The following GMDS variants were observed in gnomAD, a reference collection of about 807,000 sequenced individuals.
The protein encoded by GMDS is GDP-mannose 4,6-dehydratase.
Under a neutral mutation model 49.9 loss-of-function variants are expected in GMDS, and 20 were observed. That is an observed-to-expected ratio of 0.40 (90% CI 0.28 to 0.58). The LOEUF (loss-of-function observed/expected upper bound fraction) is 0.58, where lower values mean the gene tolerates loss of function less well. Ranked by LOEUF, GMDS falls within the 20% of genes least tolerant of loss-of-function variation. The pLI is 0.42. For missense variants in GMDS, 362 were observed against 481.4 expected, an observed-to-expected ratio of 0.75 and a Z score of 2.32; for synonymous variants, 177 against 178.6, an observed-to-expected ratio of 0.99 and a Z score of 0.07.
intron 7 of GMDS, among the ~76,000 whole-genome samples, chr6:1,764,832 T>C (rs1768287643): frequency 6.6e-6 from 1 of 152,250 alleles, no homozygotes; most frequent in Non-Finnish European, 1.5e-5. Flanking sequence ...TATATTTAAG[T>C]TCTGAAAGAA....
chr6:1,949,019 C>A lies in GMDS; in HGVS notation c.643+10848G>T. ...TGTCCTCTTATGCCAGTAGCCACAGCAATCCCACTAACAGAGCTGCCTCCA... is the reference window on the plus strand; with the variant it reads ...TGTCCTCTTATGCCAGTAGCCACAGAAATCCCACTAACAGAGCTGCCTCCA... On this transcript the variant is annotated intron_variant, in intron 6 of 10. Coordinates refer to ENST00000380815, the MANE Select transcript of GMDS (RefSeq NM_001500.4). The A allele has an allele frequency of 4.3e-6, 4 of 937,424 alleles. No individual in the cohort carries two copies. The South Asian group carries it at 1.5e-4, about 35-fold the overall frequency. 58.1% of individuals were successfully genotyped at this position (937,424 alleles called of 1,614,324 possible).
At chr6:2,087,969 A>T (rs1439490487) in intron 4 of GMDS, among the ~76,000 whole-genome samples, 1 of 152,158 alleles carries the variant, frequency 6.6e-6, no homozygotes, top group Non-Finnish European at 1.5e-5. Flanking sequence ...TCCTAACCTA[A>T]AAGGGCTGAA....
At chr6:2,188,707 T>C (rs891948471) in intron 1 of GMDS, among the ~76,000 whole-genome samples, 3 of 152,162 alleles carry the variant, frequency 2.0e-5, no homozygotes, top group Non-Finnish European at 4.4e-5. Flanking sequence ...ACTGACTGAT[T>C]ATAACATACA....
At chr6:1,671,226 GTC>G (rs1347170094) in intron 9 of GMDS, among the ~76,000 whole-genome samples, 1 of 152,228 alleles carries the variant, frequency 6.6e-6, no homozygotes, top group Non-Finnish European at 1.5e-5. Flanking sequence ...GCCCTTCAGA[GTC>G]TGGTGGCGGC....
intron 9 of GMDS, among the ~76,000 whole-genome samples, chr6:1,643,654 G>T (rs56190930): frequency 6.6e-6 from 1 of 151,906 alleles, no homozygotes; most frequent in Non-Finnish European, 1.5e-5. Context: ...GCCACGGTGG[G>T]GGGGACACTG....
chr6:1,759,917 C>G (rs1279499535), intron 7 of GMDS, among the ~76,000 whole-genome samples: 1 of 151,596 alleles, frequency 6.6e-6, no homozygotes, highest in Non-Finnish European at 1.5e-5. Flanking sequence ...CCCCCCAACA[C>G]CCTTCGGTTT....
At chr6:2,012,759 C>T (rs1002674074) in intron 4 of GMDS, among the ~76,000 whole-genome samples, 1 of 152,054 alleles carries the variant, frequency 6.6e-6, no homozygotes, top group Non-Finnish European at 1.5e-5. Context: ...TATGCACTAG[C>T]TTGGGAGTTA....
At chr6:1,998,888 CAAAA>C (rs1266723406) in intron 4 of GMDS, among the ~76,000 whole-genome samples, 1 of 147,208 alleles carries the variant, frequency 6.8e-6, no homozygotes, top group Non-Finnish European at 1.5e-5. Context: ...TTTTTTAAAA[CAAAA>C]AGACTCAGAA....
intron 1 of GMDS, among the ~76,000 whole-genome samples, chr6:2,148,459 C>T (rs990873592): frequency 6.6e-6 from 1 of 152,130 alleles, no homozygotes; most frequent in African/African-American, 2.4e-5. Flanking sequence ...TACCTCTTGT[C>T]GCCCAGGCTG....
intron 6 of GMDS, among the ~76,000 whole-genome samples, chr6:1,956,073 G>A (rs1763620182): frequency 6.6e-6 from 1 of 152,196 alleles, no homozygotes; most frequent in African/African-American, 2.4e-5. Flanking sequence ...CTTAAGGACT[G>A]GCTCACTATG....
At chr6:1,690,983 A>G (rs1765149222) in intron 9 of GMDS, among the ~76,000 whole-genome samples, 1 of 152,240 alleles carries the variant, frequency 6.6e-6, no homozygotes, top group Non-Finnish European at 1.5e-5. Flanking sequence ...AAGAAATAGC[A>G]TTTGACCCAG....
At chr6:1,860,204 T>C (rs980919460) in intron 7 of GMDS, among the ~76,000 whole-genome samples, 1 of 152,212 alleles carries the variant, frequency 6.6e-6, no homozygotes, top group South Asian at 2.1e-4. Flanking sequence ...TGATATGTAA[T>C]AAAAATCTTA....
chr6:1,909,759 A>G (rs1449590693), intron 7 of GMDS, among the ~76,000 whole-genome samples: 1 of 152,198 alleles, frequency 6.6e-6, no homozygotes, highest in Non-Finnish European at 1.5e-5. Flanking sequence ...GTCAGTAGGC[A>G]CAAGGCGAGG....
chr6:1,716,777 C>A (rs1160006850), intron 9 of GMDS, among the ~76,000 whole-genome samples: 6 of 152,210 alleles, frequency 3.9e-5, no homozygotes, highest in African/African-American at 1.4e-4. Flanking sequence ...TTTCCCAGTT[C>A]TTACACCCCG....
intron 9 of GMDS, among the ~76,000 whole-genome samples, chr6:1,720,436 A>T (rs1766339763): frequency 1.3e-5 from 2 of 152,218 alleles, no homozygotes. Flanking sequence ...AAGGATATAA[A>T]GATTAGTATG....
chr6:1,907,658 G>A (rs938252388), intron 7 of GMDS, among the ~76,000 whole-genome samples: 3 of 152,124 alleles, frequency 2.0e-5, no homozygotes, highest in South Asian at 2.1e-4. Flanking sequence ...TTAATGTTAC[G>A]AAGTCAGTCG....
chr6:1,668,786 G>A (rs1204264801), intron 9 of GMDS, among the ~76,000 whole-genome samples: 6 of 152,054 alleles, frequency 3.9e-5, no homozygotes, highest in Admixed American at 3.9e-4. Context: ...TCTCCATTAA[G>A]GGGAAGAAAA....
At chr6:1,838,070 T>G (rs1003526540) in intron 7 of GMDS, among the ~76,000 whole-genome samples, 3 of 152,124 alleles carry the variant, frequency 2.0e-5, no homozygotes, top group African/African-American at 7.2e-5. Flanking sequence ...CTCCCACGAG[T>G]TGAACTTAAA....
At chr6:1,658,962 G>A (rs183560903) in intron 9 of GMDS, among the ~76,000 whole-genome samples, 33 of 152,360 alleles carry the variant, frequency 2.2e-4, no homozygotes, top group Non-Finnish European at 4.3e-4. Flanking sequence ...TAGAAGTCAC[G>A]TGAGGCAGGT....
Sources: gnomAD v4.1 joint callset for allele counts (sites outside exome capture counted in the v4.1 genomes callset) on GRCh38, gnomAD v4.1.1 for gene constraint, MANE v1.5 for transcripts, NCBI Gene and HGNC (gene_info 2026-07-23, HGNC 2026-07-21) for gene names.